The following NR4A1 variants were observed in gnomAD, a reference collection of about 807,000 sequenced individuals.
NR4A1 encodes the protein nuclear receptor subfamily 4immunitygroup A member 1.
A neutral mutation model predicts 47.5 loss-of-function variants in NR4A1; 24 were observed. The observed-to-expected ratio is 0.50, with a 90% CI of 0.37 to 0.71. The LOEUF (loss-of-function observed/expected upper bound fraction) is 0.71, where lower values mean the gene tolerates loss of function less well. Ranked by LOEUF, NR4A1 falls within the 30% of genes least tolerant of loss-of-function variation. The pLI is 0.00. For missense variants in NR4A1, 669 were observed against 788.6 expected, an observed-to-expected ratio of 0.85 and a Z score of 1.82; for synonymous variants, 353 against 345.7, an observed-to-expected ratio of 1.02 and a Z score of -0.24.
At chr12:52,033,817 A>G (rs147549905) in intron 1 of NR4A1, among the ~76,000 whole-genome samples, 83 of 152,282 alleles carry the variant, frequency 5.5e-4, no homozygotes, top group African/African-American at 1.9e-3. Context: ...CAAGAAGAGG[A>G]AGGAAACCAT....
Position 52,056,451 on chromosome 12 carries a change from C to T in NR4A1, c.1007-43C>T, listed in dbSNP as rs748379779. ...GCACGGCTTGGGCTGAGAGGCCCTT[C>T]CTCAGATCCCTTCCTTCCTCACCCC... On this transcript the variant is annotated intron_variant, in intron 3 of 6. Coordinates refer to ENST00000394825, the MANE Select transcript of NR4A1 (RefSeq NM_173157.3). 1.1e-5 allele frequency: 17 copies of T among 1,599,536 alleles called. No individual in the cohort carries two copies. In the African/African-American group the frequency reaches 2.0e-4, roughly 19 times the overall value.
intron 1 of NR4A1, among the ~76,000 whole-genome samples, chr12:52,033,193 C>T (rs1938166632): frequency 6.6e-6 from 1 of 152,182 alleles, no homozygotes; most frequent in South Asian, 2.1e-4. Context: ...AGCCCGGCCG[C>T]CCCCGGGAGC....
intron 1 of NR4A1, among the ~76,000 whole-genome samples, chr12:52,033,280 G>A (rs1311581741): frequency 6.6e-6 from 1 of 152,188 alleles, no homozygotes; most frequent in African/African-American, 2.4e-5. Flanking sequence ...CGCCGGGCCA[G>A]ATCCCATCTC....
chr12:52,058,645 C>A (rs754925536), intron 6 of NR4A1, 43 bp from the exon 7 acceptor site: 1 of 1,494,812 alleles, frequency 6.7e-7, no homozygotes, highest in Non-Finnish European at 9.0e-7. Flanking sequence ...GCTTTGGGGG[C>A]CTGGTTCTCA....
At chr12:52,051,021 C>T (rs1468712354), upstream of NR4A1, among the ~76,000 whole-genome samples, 2 of 152,176 alleles carry the variant, frequency 1.3e-5, no homozygotes, top group Admixed American at 1.3e-4. Context: ...CGGGGAAGCC[C>T]CGCGGCCGCG....
chr12:52,041,023 T>G (rs1938413730), intron 1 of NR4A1, among the ~76,000 whole-genome samples: 1 of 152,090 alleles, frequency 6.6e-6, no homozygotes, highest in Admixed American at 6.5e-5. Flanking sequence ...GGCACACAGT[T>G]GGCTTCCACC....
At chr12:52,031,778 A>ACTTT (rs1938130834) in intron 1 of NR4A1, among the ~76,000 whole-genome samples, 1 of 125,876 alleles carries the variant, frequency 7.9e-6, no homozygotes, top group Non-Finnish European at 1.6e-5. Flanking sequence ...GTGATGGTTA[A>ACTTT]TTTTTTTTTT....
Position 52,055,983 on chromosome 12 carries a change from C to T in NR4A1, c.877-47C>T, listed in dbSNP as rs1446662432. ...GTCCCCTCCCCTAAGTTCCCCCCTC[C>T]CCACCCCACACTCTGACAGCTTGTT... is the stretch of plus-strand genomic sequence containing the variant. On this transcript the variant is annotated intron_variant, in intron 2 of 6. Coordinates refer to ENST00000394825, the MANE Select transcript of NR4A1 (RefSeq NM_173157.3). 9 of 930,446 alleles carry T rather than the reference C, an allele frequency of 9.7e-6. 1 individual carries two copies. The highest frequency in any genetic ancestry group is 7.7e-5 in the South Asian group (3 of 39,118). 57.6% of individuals were successfully genotyped at this position (930,446 alleles called of 1,614,324 possible).
intron 2 of NR4A1, chr12:52,045,395 C>A: frequency 2.9e-6 from 1 of 340,076 alleles, no homozygotes. Context: ...ATGTCGGGGT[C>A]CTGGAACCCA....
intron 1 of NR4A1, among the ~76,000 whole-genome samples, chr12:52,034,077 C>T (rs1938187398): frequency 6.6e-6 from 1 of 152,184 alleles, no homozygotes; most frequent in Non-Finnish European, 1.5e-5. Flanking sequence ...TGTGGCTTAC[C>T]TTGGCCCACT....
At chr12:52,030,980 T>C (rs984712172) in intron 1 of NR4A1, among the ~76,000 whole-genome samples, 2 of 152,060 alleles carry the variant, frequency 1.3e-5, no homozygotes, top group African/African-American at 2.4e-5. Flanking sequence ...TCCCTGCAAC[T>C]TATCCCTTTC....
intron 1 of NR4A1, among the ~76,000 whole-genome samples, chr12:52,051,956 GGATCCGTAC>G (rs1301386124): frequency 6.6e-6 from 1 of 152,114 alleles, no homozygotes; most frequent in African/African-American, 2.4e-5. Context: ...GGCGCTGCTG[GGATCCGTAC>G]GATTCTAACT....
intron 1 of NR4A1, among the ~76,000 whole-genome samples, chr12:52,030,157 C>T (rs572389061): frequency 9.8e-5 from 15 of 152,338 alleles, no homozygotes; most frequent in South Asian, 6.2e-4. Flanking sequence ...GCATTTTCTC[C>T]GCCCTCCCTG....
upstream of NR4A1, chr12:52,051,437 C>T (rs927196852): frequency 1.7e-5 from 17 of 985,444 alleles, no homozygotes; most frequent in African/African-American, 5.2e-5. Context: ...CGGGCTCGGC[C>T]GGGGAGTCCC....
intron 3 of NR4A1, 147 bp downstream of exon 3, chr12:52,056,306 G>A: frequency 7.2e-7 from 1 of 1,390,212 alleles, no homozygotes; most frequent in Non-Finnish European, 9.7e-7. Flanking sequence ...CTTGGAGGGA[G>A]GCAGCCTACA....
At chr12:52,031,688 C>T (rs1938129373) in intron 1 of NR4A1, among the ~76,000 whole-genome samples, 1 of 152,054 alleles carries the variant, frequency 6.6e-6, no homozygotes, top group African/African-American at 2.4e-5. Context: ...GAAGCTTTCT[C>T]TTATCCATCC....
chr12:52,048,108 C>T (rs1241401759), upstream of NR4A1, among the ~76,000 whole-genome samples: 1 of 148,108 alleles, frequency 6.8e-6, no homozygotes, highest in Non-Finnish European at 1.5e-5. Context: ...GAGCCGAGAT[C>T]GCACCACTTC....
At chr12:52,033,090 C>T (rs1236511528) in intron 1 of NR4A1, among the ~76,000 whole-genome samples, 1 of 152,230 alleles carries the variant, frequency 6.6e-6, no homozygotes, top group Non-Finnish European at 1.5e-5. Flanking sequence ...AGCTCTGCGC[C>T]GCCGGGTGAG....
Position 52,054,845 on chromosome 12 carries a change from T to G in NR4A1, c.517T>G (p.Trp173Gly). The change falls in exon 2 of 7, where the codon TGG (tryptophan) becomes GGG (glycine). Residue 173 changes from tryptophan (W) to glycine (G), a missense_variant. Trp to Gly is a radical substitution (Grantham distance 184). Transcript: ENST00000394825. ...CCAGACTTACGAAGGCCTGCGGGCATGGACAGAGCAGCTGCCCAAAGCCTC... is the reference window on the plus strand; with the variant it reads ...CCAGACTTACGAAGGCCTGCGGGCAGGGACAGAGCAGCTGCCCAAAGCCTC... ...PSQTYEGLRA[W>G]TEQLPKASGP... 6.2e-7 allele frequency: 1 copy of G among 1,613,976 alleles called. No homozygotes were observed. The highest frequency in any genetic ancestry group is 8.5e-7 in the Non-Finnish European group (1 of 1,180,008).
Sources: gnomAD v4.1 joint callset for allele counts (sites outside exome capture counted in the v4.1 genomes callset) on GRCh38, gnomAD v4.1.1 for gene constraint, MANE v1.5 for transcripts, NCBI Gene and HGNC (gene_info 2026-07-23, HGNC 2026-07-21) for gene names.